Variants in PPA2 observed in about 807,000 individuals in gnomAD.
PPA2 encodes the protein inorganic pyrophosphatase 2, also known as inorganic pyrophosphatase 2, mitochondrial.
PPA2 carries 48 observed loss-of-function variants against 49.5 expected under a neutral mutation model. The ratio of observed to expected loss-of-function variants is 0.97; its 90% confidence interval spans 0.77 to 1.23. The LOEUF is 1.23. Ranked by LOEUF, PPA2 falls within the 50% of genes most tolerant of loss-of-function variation. PPA2 has a pLI of 0.00. For synonymous variants in PPA2, 131 were observed against 139.9 expected, an observed-to-expected ratio of 0.94 and a Z score of 0.45; for missense variants, 429 against 410.1, an observed-to-expected ratio of 1.05 and a Z score of -0.40.
intron 7 of PPA2, among the ~76,000 whole-genome samples, chr4:105,400,090 T>C (rs1459487826): frequency 2.6e-5 from 4 of 152,162 alleles, no homozygotes; most frequent in Non-Finnish European, 5.9e-5. Flanking sequence ...TGCTTCAGAA[T>C]GGCCACAAAG....
intron 1 of PPA2, chr4:105,473,677 C>A (rs756145097): frequency 1.3e-5 from 11 of 819,082 alleles, no homozygotes; most frequent in Non-Finnish European, 2.3e-5. Context: ...CTCTGCTCTC[C>A]GCTTTGGGGT....
Position 105,434,942 on chromosome 4 carries a change from G to A in PPA2, c.528+3008C>T, listed in dbSNP as rs749800827. 9.9e-5 allele frequency among the ~76,000 whole-genome samples: 15 copies of A among 152,146 alleles called. 1 individual carries two copies. The highest frequency in any genetic ancestry group is 4.1e-4 in the South Asian group (2 of 4,832). On this transcript the variant is annotated intron_variant, in intron 6 of 11. Coordinates refer to ENST00000341695, the MANE Select transcript of PPA2 (RefSeq NM_176869.3). ...GGTAGAATTCTTACAAAACCACCAC[G>A]CTTCAATTCAATCTAAATCAATTCA...
rs530338204 is a variant in PPA2, at chr4:105,466,221, A to T, written c.157+7673T>A. ...AGATGTAATAGAGAACACCCACTTG[A>T]CCTTCTAAAATTCAAGTTTCTTGTT... On this transcript the variant is annotated intron_variant, in intron 1 of 11. Transcript: ENST00000341695. Among the ~76,000 whole-genome samples the T allele has an allele frequency of 2.5e-4, 38 of 152,034 alleles. No homozygotes were observed. In the South Asian group the frequency reaches 7.7e-3, roughly 31 times the overall value.
chr4:105,398,981 C>T (rs1734252376), intron 8 of PPA2, 56 bp downstream of exon 8: 13 of 1,551,152 alleles, frequency 8.4e-6, no homozygotes, highest in African/African-American at 2.8e-5. Flanking sequence ...CCAAGTGAAA[C>T]GAATATTGTA....
At chr4:105,463,398 G>A (rs1378744513) in intron 1 of PPA2, among the ~76,000 whole-genome samples, 4 of 152,194 alleles carry the variant, frequency 2.6e-5, no homozygotes, top group African/African-American at 7.2e-5. Flanking sequence ...TTCAATAGGT[G>A]ACTTGGGTGC....
At chr4:105,438,226 T>G (rs1436163308) in intron 5 of PPA2, among the ~76,000 whole-genome samples, 190 bp from the exon 6 acceptor site, 1 of 152,248 alleles carries the variant, frequency 6.6e-6, no homozygotes, top group Non-Finnish European at 1.5e-5. Flanking sequence ...AGATTTATAG[T>G]ATTTCCTCCA....
intron 1 of PPA2, among the ~76,000 whole-genome samples, chr4:105,462,516 T>C (rs1314877938): frequency 6.6e-6 from 1 of 152,252 alleles, no homozygotes; most frequent in Non-Finnish European, 1.5e-5. Context: ...TACCTTCATC[T>C]TTCTAAATAG....
rs1242261410 is a variant in PPA2, at chr4:105,399,153, C to T, written c.667G>A (p.Val223Ile). 6.3e-7 allele frequency: 1 copy of T among 1,597,150 alleles called. No homozygotes were observed. Among genetic ancestry groups the T allele is most frequent in the Non-Finnish European group, 8.5e-7 (1 of 1,175,342 alleles). Residue 223 changes from valine to isoleucine, a missense_variant, in exon 8 of 12, where the codon GTT becomes ATT. Coordinates refer to ENST00000341695, the MANE Select transcript of PPA2 (RefSeq NM_176869.3). ...AGGTAACCCGGTTTGAACTTCTTAA[C>T]ATCATCAATATCTGTAAAGAAAAAA... ...EASKFHDIDD[V>I]KKFKPGYLEA...
At chr4:105,467,731 C>CA (rs961446462) in intron 1 of PPA2, among the ~76,000 whole-genome samples, 1 of 151,750 alleles carries the variant, frequency 6.6e-6, no homozygotes, top group Non-Finnish European at 1.5e-5. Context: ...TGGTACATTT[C>CA]AAAAAAATAT....
intron 9 of PPA2, 45 bp downstream of exon 9, chr4:105,396,204 A>T: frequency 7.3e-6 from 8 of 1,101,700 alleles, no homozygotes; most frequent in Non-Finnish European, 1.0e-5. Context: ...GCTGTTTAAT[A>T]CCAATTAATA....
intron 10 of PPA2, among the ~76,000 whole-genome samples, chr4:105,381,343 A>C (rs1733480626): frequency 1.3e-5 from 2 of 151,944 alleles, no homozygotes; most frequent in African/African-American, 4.8e-5. Flanking sequence ...AACTTATTTT[A>C]AGGTTTCTTT....
At chr4:105,391,138 G>C (rs368063810) in intron 9 of PPA2, among the ~76,000 whole-genome samples, 5 of 152,026 alleles carry the variant, frequency 3.3e-5, no homozygotes, top group African/African-American at 1.2e-4. Context: ...TGAACAATCA[G>C]AACACATGGA....
intron 9 of PPA2, among the ~76,000 whole-genome samples, chr4:105,390,628 C>T (rs879651965): frequency 6.6e-6 from 1 of 152,036 alleles, no homozygotes; most frequent in African/African-American, 2.4e-5. Context: ...CCATGAATGG[C>T]GATTACTAAA....
chr4:105,467,284 G>A (rs969692766), intron 1 of PPA2, among the ~76,000 whole-genome samples: 1 of 152,238 alleles, frequency 6.6e-6, no homozygotes, highest in Non-Finnish European at 1.5e-5. Context: ...AGTGAGGGAA[G>A]AGATCAAGTA....
intron 7 of PPA2, chr4:105,405,288 CA>C (rs902642227): frequency 4.2e-6 from 3 of 717,150 alleles, no homozygotes; most frequent in Non-Finnish European, 5.1e-6. Flanking sequence ...CATATATACA[CA>C]TACACATGCA....
intron 10 of PPA2, among the ~76,000 whole-genome samples, chr4:105,376,919 ATTGT>A (rs1256619572): frequency 6.6e-6 from 1 of 152,174 alleles, no homozygotes; most frequent in East Asian, 1.9e-4. Flanking sequence ...AACCTCACAC[ATTGT>A]TTAATTCATA....
intron 7 of PPA2, chr4:105,405,643 C>T (rs1448543724): frequency 5.0e-5 from 51 of 1,014,242 alleles, no homozygotes; most frequent in East Asian, 9.5e-5. Context: ...CATTCTGCTT[C>T]GGAAAAAACA....
chr4:105,390,319 A>G (rs1219939559), intron 9 of PPA2, among the ~76,000 whole-genome samples: 2 of 150,538 alleles, frequency 1.3e-5, no homozygotes, highest in Non-Finnish European at 2.9e-5. Context: ...AGTGGGATCT[A>G]ATCAAACTAA....
At chr4:105,386,690 C>CA (rs1413087840) in intron 9 of PPA2, 54 bp from the exon 10 acceptor site, 9 of 1,479,010 alleles carry the variant, frequency 6.1e-6, no homozygotes, top group South Asian at 2.4e-5. Flanking sequence ...AAACAATTAC[C>CA]AAAAAAACCC....
Sources: gnomAD v4.1 joint callset for allele counts (sites outside exome capture counted in the v4.1 genomes callset) on GRCh38, gnomAD v4.1.1 for gene constraint, MANE v1.5 for transcripts, NCBI Gene and HGNC (gene_info 2026-07-23, HGNC 2026-07-21) for gene names.